The following FILIP1 variants were observed in gnomAD, a reference collection of about 807,000 sequenced individuals.
FILIP1 encodes the protein filamin-A-interacting protein 1.
Under a neutral mutation model 102.1 loss-of-function variants are expected in FILIP1, and 61 were observed. That is an observed-to-expected ratio of 0.60 (90% CI 0.49 to 0.74). FILIP1 has a LOEUF of 0.74. Ranked by LOEUF, FILIP1 falls within the 30% of genes least tolerant of loss-of-function variation. The pLI is 0.00. For missense variants in FILIP1, 1,314 were observed against 1,441.2 expected, an observed-to-expected ratio of 0.91 and a Z score of 1.43; for synonymous variants, 491 against 526.9, an observed-to-expected ratio of 0.93 and a Z score of 0.93.
At chr6:75,434,272 C>T (rs1370403688) in intron 1 of FILIP1, among the ~76,000 whole-genome samples, 1 of 152,164 alleles carries the variant, frequency 6.6e-6, no homozygotes, top group Non-Finnish European at 1.5e-5. Flanking sequence ...CTATAAATTA[C>T]CTTAGGCAGT....
chr6:75,361,899 A>T (rs1008157721), intron 3 of FILIP1: 1 of 152,228 alleles, frequency 6.6e-6, no homozygotes, highest in African/African-American at 2.4e-5. Context: ...CAGTAATTTG[A>T]AAATTATGGG....
At chr6:75,310,009 T>C (rs1306214401) in intron 5 of FILIP1, among the ~76,000 whole-genome samples, 4 of 152,244 alleles carry the variant, frequency 2.6e-5, no homozygotes, top group African/African-American at 9.6e-5. Flanking sequence ...ATCTAATCTA[T>C]AAATATCAAT....
At chr6:75,478,288 A>G (rs894940964) in intron 1 of FILIP1, among the ~76,000 whole-genome samples, 20 of 152,226 alleles carry the variant, frequency 1.3e-4, no homozygotes, top group Non-Finnish European at 2.1e-4. Flanking sequence ...GAGAAAGCAG[A>G]AAAATGTTAG....
intron 1 of FILIP1, among the ~76,000 whole-genome samples, chr6:75,422,296 C>T (rs1777494625): frequency 1.3e-5 from 2 of 152,006 alleles, no homozygotes; most frequent in African/African-American, 4.8e-5. Context: ...GAGTAAGACC[C>T]TCACACTTAA....
At chr6:75,351,661 A>G (rs1028188128) in intron 4 of FILIP1, among the ~76,000 whole-genome samples, 2 of 152,228 alleles carry the variant, frequency 1.3e-5, no homozygotes, top group African/African-American at 4.8e-5. Flanking sequence ...TAAGAGTAAC[A>G]GGCTGTGCCA....
intron 1 of FILIP1, among the ~76,000 whole-genome samples, chr6:75,451,845 A>G (rs192625771): frequency 6.6e-6 from 1 of 152,048 alleles, no homozygotes; most frequent in Admixed American, 6.6e-5. Flanking sequence ...AAAAAAATTT[A>G]AAAAAAAGAA....
intron 1 of FILIP1, among the ~76,000 whole-genome samples, chr6:75,462,032 G>A (rs1035016539): frequency 3.3e-5 from 5 of 152,166 alleles, no homozygotes; most frequent in African/African-American, 1.2e-4. Flanking sequence ...CCCTTCTTCA[G>A]CAGTGTGTCT....
At chr6:75,456,104 C>T (rs1778819070) in intron 1 of FILIP1, among the ~76,000 whole-genome samples, 1 of 152,164 alleles carries the variant, frequency 6.6e-6, no homozygotes, top group Admixed American at 6.5e-5. Context: ...AGTCTTCCTC[C>T]ACACTAAGAG....
chr6:75,351,355 C>A (rs909251625), intron 4 of FILIP1, among the ~76,000 whole-genome samples: 3 of 152,188 alleles, frequency 2.0e-5, no homozygotes, highest in South Asian at 4.2e-4. Context: ...GAGCCACATG[C>A]GGCCACCACA....
chr6:75,410,878 C>T (rs1293972954), intron 2 of FILIP1, among the ~76,000 whole-genome samples: 1 of 152,180 alleles, frequency 6.6e-6, no homozygotes, highest in East Asian at 1.9e-4. Flanking sequence ...CTGCAATAAA[C>T]ATATGTGTGC....
rs149964766 is a variant in FILIP1 at position 75,408,224 on chromosome 6, C to A, written c.276+6473G>T. ...AATGGAAACCATCCCAGCTACTTCA[C>A]GCAGGCCATGCGGGCCAGTCATTGT... On this transcript the variant is annotated intron_variant, in intron 2 of 5. Transcript: ENST00000237172. Among the ~76,000 whole-genome samples, 5 of 152,320 alleles carry A rather than the reference C, an allele frequency of 3.3e-5. No homozygotes were observed. In the East Asian group the frequency reaches 9.7e-4, roughly 29 times the overall value.
chr6:75,380,485 G>GC (rs1288388694), intron 2 of FILIP1, among the ~76,000 whole-genome samples: 1 of 152,122 alleles, frequency 6.6e-6, no homozygotes, highest in African/African-American at 2.4e-5. Context: ...AATAGTTATT[G>GC]CAAGTGAGAG....
At chr6:75,338,633 T>C (rs1256448783) in intron 4 of FILIP1, among the ~76,000 whole-genome samples, 1 of 152,244 alleles carries the variant, frequency 6.6e-6, no homozygotes, top group Admixed American at 6.5e-5. Flanking sequence ...TTTCCTTTCT[T>C]AGCTTTTTCT....
intron 4 of FILIP1, among the ~76,000 whole-genome samples, chr6:75,342,982 C>T (rs949721702): frequency 6.6e-6 from 1 of 152,158 alleles, no homozygotes; most frequent in African/African-American, 2.4e-5. Context: ...ATTGTGCCCC[C>T]CAAAATCCAT....
chr6:75,339,965 T>A (rs574699977), intron 4 of FILIP1, among the ~76,000 whole-genome samples: 78 of 151,798 alleles, frequency 5.1e-4, no homozygotes, highest in Middle Eastern at 3.4e-3. Context: ...TAAATAAATA[T>A]ATATATAATA....
rs1025390865 is a variant in FILIP1, at chr6:75,486,955, A to G, written c.-7+6459T>C. On this transcript the variant is annotated intron_variant, in intron 1 of 5. Coordinates refer to ENST00000237172, the MANE Select transcript of FILIP1 (RefSeq NM_015687.5). ...TAGAAGTTGGGGATGTCTTATCAAA[A>G]GTTGACGGGCCCTGAGAAGTGAACT... is the stretch of plus-strand genomic sequence containing the variant. 2.0e-5 allele frequency among the ~76,000 whole-genome samples: 3 copies of G among 152,126 alleles called. No homozygotes were observed. The South Asian group carries it at 6.2e-4, about 32-fold the overall frequency.
rs746426776 is a variant in FILIP1 at position 75,314,580 on chromosome 6, T to C, written c.1252A>G (p.Ser418Gly). ...RKKLQEEEHH[S>G]KELRLEVEKL... The stretch of plus-strand genomic sequence containing the variant: ...TCAACTTCAAGTCTGAGCTCCTTAC[T>C]ATGGTGTTCTTCCTCTTGCAGCTTC... The change falls in exon 5 of 6, where the codon AGT (serine) becomes GGT (glycine). Residue 418 changes from serine to glycine, a missense_variant. Physicochemically the swap from Ser to Gly is moderately conservative, Grantham distance 56. Transcript: ENST00000237172. 6 of 1,614,010 alleles carry C rather than the reference T, an allele frequency of 3.7e-6. No homozygotes were observed. The highest frequency in any genetic ancestry group is 5.1e-6 in the Non-Finnish European group (6 of 1,180,002).
Position 75,314,694 on chromosome 6 carries a change from C to T in FILIP1, c.1138G>A (p.Val380Met). The change falls in exon 5 of 6, where the codon GTG becomes ATG. Residue 380 changes from valine to methionine, a missense_variant. By Grantham distance (21) the Val-to-Met change is conservative. This residue lies in a region of FILIP1 where 494 missense variants were observed against 511.2 expected (regional missense o/e 0.97). Coordinates refer to ENST00000237172, the MANE Select transcript of FILIP1 (RefSeq NM_015687.5). ...ECGNSSLMAE[V>M]ENLRKRVLEM... ...AGCACACGCTTTCGAAGATTTTCCA[C>T]TTCTGCCATGAGGCTAGAGTTTCCA... 1 of 1,613,980 alleles carries T rather than the reference C, an allele frequency of 6.2e-7. No individual in the cohort carries two copies. The highest frequency in any genetic ancestry group is 8.5e-7 in the Non-Finnish European group (1 of 1,179,986).
intron 2 of FILIP1, 125 bp from the exon 3 acceptor site, chr6:75,363,042 G>A: frequency 1.1e-6 from 1 of 885,392 alleles, no homozygotes; most frequent in South Asian, 1.9e-5. Context: ...AAATTCACTG[G>A]GTATTCTGCT....
Sources: gnomAD v4.1 joint callset for allele counts (sites outside exome capture counted in the v4.1 genomes callset) on GRCh38, gnomAD v4.1.1 for gene constraint, gnomAD v4.1.1 regional missense constraint, MANE v1.5 for transcripts, NCBI Gene and HGNC (gene_info 2026-07-23, HGNC 2026-07-21) for gene names.